ACOT7: variants seen among roughly 807,000 people sequenced by gnomAD.
The protein encoded by ACOT7 is acyl-CoA thioesterase 7, also known as cytosolic acyl coenzyme A thioester hydrolase.
Under a neutral mutation model 40.2 loss-of-function variants are expected in ACOT7, and 12 were observed. The ratio of observed to expected loss-of-function variants is 0.30; its 90% CI spans 0.19 to 0.48. The LOEUF (loss-of-function observed/expected upper bound fraction) is 0.48. Ranked by LOEUF, ACOT7 falls within the 20% of genes least tolerant of loss-of-function variation. The pLI is 0.99. For missense variants in ACOT7, 395 were observed against 530.8 expected (o/e 0.74, Z 2.51); for synonymous variants, 228 against 219.5 (o/e 1.04, Z -0.34).
intron 1 of ACOT7, among the ~76,000 whole-genome samples, chr1:6,369,092 T>C (rs1177206033): frequency 6.6e-6 from 1 of 151,924 alleles, no homozygotes; most frequent in Non-Finnish European, 1.5e-5. Context: ...AAAGCAATTC[T>C]TGTGACTCAG....
Position 6,333,467 on chromosome 1 carries a change from G to A in ACOT7, c.510+10C>T, listed in dbSNP as rs1400534980. ...CTGCCCCCAAGAGAGAAGTAGAAAG[G>A]GCACCTTACCACAACAGGAGGCACC... On this transcript the variant is annotated intron_variant, in intron 4 of 8. Coordinates refer to ENST00000361521, the MANE Select transcript of ACOT7 (RefSeq NM_007274.4). 1.2e-6 allele frequency: 2 copies of A among 1,613,966 alleles called. No homozygotes were observed. The highest frequency in any genetic ancestry group is 4.5e-5 in the East Asian group (2 of 44,894).
rs1640935244 is a variant in ACOT7, at chr1:6,330,857, T to C, written c.510+2620A>G. On this transcript the variant is annotated intron_variant, in intron 4 of 8. Transcript: ENST00000361521. The surrounding 1 kb of genome is among the most constrained non-coding windows in gnomAD (Gnocchi z 4.6). ...GGTATCACCCGCCTGAGATGCACCA[T>C]CAGATGCTGAAGCCAGGCATGGGGC... Among the ~76,000 whole-genome samples, 1 of 152,154 alleles carries C rather than the reference T, an allele frequency of 6.6e-6. No homozygotes were observed. Among genetic ancestry groups the C allele is most frequent in the African/African-American group, 2.4e-5 (1 of 41,442 alleles).
rs140819559 is a variant in ACOT7, at chr1:6,378,067, A to AAAAC, written c.143+15186_143+15189dup. ...CCTGGGCGACAGAGCAAGACTCGTC[A>AAAAC]AAACAAACAAACAAACAAACAAACA... On this transcript the variant is annotated intron_variant, in intron 1 of 8. Transcript: ENST00000361521. Among the ~76,000 whole-genome samples, 1,404 of 150,560 alleles carry AAAAC rather than the reference A, an allele frequency of 9.3e-3. 20 individuals are homozygous for AAAAC. The highest frequency in any genetic ancestry group is 0.028 in the African/African-American group (1,159 of 41,090).
rs9662106 is a variant in ACOT7, at chr1:6,355,187, C to T, written c.144-5321G>A. On this transcript the variant is annotated intron_variant, in intron 1 of 8. Coordinates refer to ENST00000361521, the MANE Select transcript of ACOT7 (RefSeq NM_007274.4). The surrounding 1 kb of genome is among the most constrained non-coding windows in gnomAD (Gnocchi z 5.0). ...TTTGTGAAGGACAGGGAACCATTCA[C>T]AAATAGGGGAGTGTAAGCGAATACC... Among the ~76,000 whole-genome samples, 16,825 of 152,096 alleles carry T rather than the reference C, an allele frequency of 0.11. 1,084 individuals are homozygous for T. Among genetic ancestry groups the T allele is most frequent in the African/African-American group, 0.17 (6,978 of 41,480 alleles).
chr1:6,296,199 C>T (rs1478050299), intron 6 of ACOT7, among the ~76,000 whole-genome samples: 1 of 152,132 alleles, frequency 6.6e-6, no homozygotes, highest in Non-Finnish European at 1.5e-5. Context: ...GGCCAGTACA[C>T]TTTAAATAGG....
At chr1:6,271,776 C>T (rs751047338) in intron 8 of ACOT7, among the ~76,000 whole-genome samples, 7 of 152,256 alleles carry the variant, frequency 4.6e-5, no homozygotes, top group Non-Finnish European at 8.8e-5. Context: ...AACACCCTCA[C>T]CAGGGGCTCC....
At chr1:6,371,362 CTTT>C (rs377275678) in intron 1 of ACOT7, among the ~76,000 whole-genome samples, 1 of 143,152 alleles carries the variant, frequency 7.0e-6, no homozygotes, top group Non-Finnish European at 1.5e-5. Context: ...TCAGCCTGTC[CTTT>C]TTTTTTTTTT....
rs1451901688 is a variant in ACOT7 at position 6,338,570 on chromosome 1, G to C, written c.418+863C>G. 6.6e-6 allele frequency among the ~76,000 whole-genome samples: 1 copy of C among 152,206 alleles called. No individual in the cohort carries two copies. The highest frequency in any genetic ancestry group is 2.4e-5 in the African/African-American group (1 of 41,458). ...TGACACAGCCATTCTAATCAACCCTGCTGAGGTCCTCAGAATGTTCTAGAT... is the reference window on the plus strand; with the variant it reads ...TGACACAGCCATTCTAATCAACCCTCCTGAGGTCCTCAGAATGTTCTAGAT... On this transcript the variant is annotated intron_variant, in intron 3 of 8. Coordinates refer to ENST00000361521, the MANE Select transcript of ACOT7 (RefSeq NM_007274.4). The surrounding 1 kb of genome is among the most constrained non-coding windows in gnomAD (Gnocchi z 4.4).
At chr1:6,308,075 A>G (rs949049784) in intron 6 of ACOT7, among the ~76,000 whole-genome samples, 1 of 151,484 alleles carries the variant, frequency 6.6e-6, no homozygotes, top group Non-Finnish European at 1.5e-5. Flanking sequence ...CAGAGGGAAC[A>G]GTGACCAAAG....
chr1:6,292,048 C>T (rs1639680698), intron 7 of ACOT7, among the ~76,000 whole-genome samples: 1 of 152,228 alleles, frequency 6.6e-6, no homozygotes, highest in Non-Finnish European at 1.5e-5. Flanking sequence ...TGACAATCCT[C>T]TGGAAAACAA....
rs1181428775 is a variant in ACOT7, at chr1:6,338,306, C to A, written c.418+1127G>T. The stretch of plus-strand genomic sequence containing the variant: ...GATCTCACAGGAGATGGCAGGGAAC[C>A]CCCAAGGCCCCTAAAGTGGGGAACC... On this transcript the variant is annotated intron_variant, in intron 3 of 8. Transcript: ENST00000361521. This position sits in a 1 kb window ranked among gnomAD's most constrained non-coding sequence, Gnocchi z 4.4. Among the ~76,000 whole-genome samples, 4 of 152,162 alleles carry A rather than the reference C, an allele frequency of 2.6e-5. No individual in the cohort carries two copies. The highest frequency in any genetic ancestry group is 9.6e-5 in the African/African-American group (4 of 41,458).
rs534388013 is a variant in ACOT7, at chr1:6,330,851, G to T, written c.510+2626C>A. ...CCCCTCGGTATCACCCGCCTGAGAT[G>T]CACCATCAGATGCTGAAGCCAGGCA... On this transcript the variant is annotated intron_variant, in intron 4 of 8. Coordinates refer to ENST00000361521, the MANE Select transcript of ACOT7 (RefSeq NM_007274.4). The surrounding 1 kb of genome is among the most constrained non-coding windows in gnomAD (Gnocchi z 4.6). Among the ~76,000 whole-genome samples the T allele has an allele frequency of 6.6e-6, 1 of 152,196 alleles. No individual in the cohort carries two copies. The highest frequency in any genetic ancestry group is 1.5e-5 in the Non-Finnish European group (1 of 68,030).
In ACOT7 at chr1:6,349,991, C is replaced by G. The variant is rs1409338847; in HGVS notation, c.144-125G>C. The G allele has an allele frequency of 4.3e-6, 4 of 933,596 alleles. No homozygotes were observed. The South Asian group carries it at 6.1e-5, about 14-fold the overall frequency. 57.8% of individuals were successfully genotyped at this position (933,596 alleles called of 1,614,324 possible). A position where few individuals can be genotyped will look rare whatever the true frequency, so the allele number is the denominator to read the frequency against. Reference sequence around the variant, plus strand: ...GCTCCCGGAGGAAAGAGAACCTTCCCAATGTTTGGGCTCTTCCTAGGTGGT... The same window carrying G: ...GCTCCCGGAGGAAAGAGAACCTTCCGAATGTTTGGGCTCTTCCTAGGTGGT... On this transcript the variant is annotated intron_variant, in intron 1 of 8. Coordinates refer to ENST00000361521, the MANE Select transcript of ACOT7 (RefSeq NM_007274.4).
rs764226514 is a variant in ACOT7 at position 6,294,997 on chromosome 1, A to G, written c.713-17T>C. Reference sequence around the variant, plus strand: ...TGGTCACACCTGCGGAGAAAGGGACATGCGGCAGATGAGACACGGAGGCAG... The same window carrying G: ...TGGTCACACCTGCGGAGAAAGGGACGTGCGGCAGATGAGACACGGAGGCAG... On this transcript the variant is annotated splice_polypyrimidine_tract_variant and intron_variant, in intron 6 of 8. Coordinates refer to ENST00000361521, the MANE Select transcript of ACOT7 (RefSeq NM_007274.4). The surrounding 1 kb of genome is among the most constrained non-coding windows in gnomAD (Gnocchi z 4.6). The G allele has an allele frequency of 6.3e-7, 1 of 1,578,030 alleles. No homozygotes were observed. Among genetic ancestry groups the G allele is most frequent in the South Asian group, 1.1e-5 (1 of 90,378 alleles).
chr1:6,331,570 AG>A (rs1362861480), intron 4 of ACOT7, among the ~76,000 whole-genome samples: 4 of 152,196 alleles, frequency 2.6e-5, no homozygotes, highest in African/African-American at 9.6e-5. Flanking sequence ...TTGTCACAGC[AG>A]CCCCGGGACA....
At chr1:6,322,873 G>A (rs919325241) in intron 5 of ACOT7, among the ~76,000 whole-genome samples, 3 of 152,166 alleles carry the variant, frequency 2.0e-5, no homozygotes, top group Non-Finnish European at 2.9e-5. Context: ...GCTCATGCCT[G>A]TAATCCTAGC....
At chr1:6,389,190 C>A (rs1252899591) in intron 1 of ACOT7, among the ~76,000 whole-genome samples, 1 of 152,180 alleles carries the variant, frequency 6.6e-6, no homozygotes, top group Non-Finnish European at 1.5e-5. Context: ...CTATTCTAGG[C>A]ATTCATGGTA....
At chr1:6,353,577 T>G (rs1222168962) in intron 1 of ACOT7, among the ~76,000 whole-genome samples, 1 of 152,202 alleles carries the variant, frequency 6.6e-6, no homozygotes, top group Non-Finnish European at 1.5e-5. Context: ...GAGGTTGCAG[T>G]GGGCTGAGAT....
intron 7 of ACOT7, among the ~76,000 whole-genome samples, chr1:6,293,312 A>G (rs560809420): frequency 6.6e-6 from 1 of 152,162 alleles, no homozygotes; most frequent in Non-Finnish European, 1.5e-5. Context: ...AGGTCACCCT[A>G]ATCGTGATTT....
Sources: gnomAD v4.1 joint callset for allele counts (sites outside exome capture counted in the v4.1 genomes callset) on GRCh38, gnomAD v4.1.1 for gene constraint, Gnocchi (gnomAD v3.1) non-coding constraint, MANE v1.5 for transcripts, NCBI Gene and HGNC (gene_info 2026-07-23, HGNC 2026-07-21) for gene names.